Variants in TNR observed in about 807,000 individuals in gnomAD.
The protein encoded by TNR is tenascin-R.
TNR carries 45 observed loss-of-function variants against 150.4 expected under a neutral mutation model. That is an observed-to-expected ratio of 0.30 (90% CI 0.24 to 0.38). TNR has a LOEUF of 0.38. Among genes scored for constraint, TNR ranks in the 10% least tolerant of loss-of-function variants. The probability of loss-of-function intolerance (pLI) is 1.00; values close to 1 mark genes in which losing one functional copy is unlikely to be tolerated. For missense variants in TNR, 1,544 were observed against 1,759.1 expected (o/e 0.88, Z 2.19); for synonymous variants, 687 against 678.4 (o/e 1.01, Z -0.20).
Position 175,412,438 on chromosome 1 carries a change from C to T in TNR, c.-63-5661G>A, listed in dbSNP as rs137917339. On this transcript the variant is annotated intron_variant, in intron 2 of 22. Transcript: ENST00000367674. ...TTGAGAGGAGGCTTGTTTGATGGCT[C>T]TTTATTTAAAAGTCTCCAGCCTCTA... Among the ~76,000 whole-genome samples the T allele has an allele frequency of 1.1e-3, 167 of 152,244 alleles. 2 individuals are homozygous for T. Among genetic ancestry groups the T allele is most frequent in the African/African-American group, 3.8e-3 (156 of 41,558 alleles).
chr1:175,692,107 T>C (rs1268694335), intron 1 of TNR, among the ~76,000 whole-genome samples: 6 of 152,256 alleles, frequency 3.9e-5, no homozygotes, highest in East Asian at 1.9e-4. Context: ...GAAGTAACAA[T>C]GAATGGAGCA....
chr1:175,632,972 C>G (rs181291925), intron 1 of TNR, among the ~76,000 whole-genome samples: 1 of 152,328 alleles, frequency 6.6e-6, no homozygotes, highest in East Asian at 1.9e-4. Context: ...TGGCCATATA[C>G]AGCTCACTGT....
chr1:175,417,530 T>C (rs758113194), intron 2 of TNR, among the ~76,000 whole-genome samples: 3 of 152,206 alleles, frequency 2.0e-5, no homozygotes, highest in Non-Finnish European at 4.4e-5. Context: ...ATTAACGTAT[T>C]AGCAGATGGA....
intron 20 of TNR, among the ~76,000 whole-genome samples, chr1:175,331,046 T>TTTCTTTCTTTCTTTCTTTCTTTCCTTC (rs1649773182): frequency 7.2e-5 from 6 of 82,968 alleles, no homozygotes; most frequent in East Asian, 9.1e-4. Context: ...TCTTTCTTTC[T>TTTCTTTCTTTCTTTCTTTCTTTCCTTC]TTCTTTCTTT....
chr1:175,715,676 C>T (rs1667137970), intron 1 of TNR, among the ~76,000 whole-genome samples: 1 of 152,128 alleles, frequency 6.6e-6, no homozygotes, highest in Non-Finnish European at 1.5e-5. Flanking sequence ...TCATGGGGTC[C>T]CCTTTAAAGA....
intron 1 of TNR, among the ~76,000 whole-genome samples, chr1:175,707,352 G>T (rs182291430): frequency 2.4e-4 from 37 of 152,108 alleles, no homozygotes; most frequent in Admixed American, 1.8e-3. Flanking sequence ...AAATTCTGCT[G>T]CTGGTATTAC....
Position 175,498,842 on chromosome 1 carries a change from C to A in TNR, c.-64+29427G>T, listed in dbSNP as rs180789974. Among the ~76,000 whole-genome samples the A allele has an allele frequency of 1.1e-4, 17 of 152,284 alleles. No individual in the cohort carries two copies. The East Asian group carries it at 3.1e-3, about 28-fold the overall frequency. Reference sequence around the variant, plus strand: ...GTCAATTACCATGCAGCACATATAACCGTTAGTATCATCATCTATTAATAA... The same window carrying A: ...GTCAATTACCATGCAGCACATATAAACGTTAGTATCATCATCTATTAATAA... On this transcript the variant is annotated intron_variant, in intron 2 of 22. Coordinates refer to ENST00000367674, the MANE Select transcript of TNR (RefSeq NM_003285.3).
intron 1 of TNR, among the ~76,000 whole-genome samples, chr1:175,578,545 T>C (rs1662213074): frequency 6.6e-6 from 1 of 151,874 alleles, no homozygotes; most frequent in Non-Finnish European, 1.5e-5. Flanking sequence ...ATTACCTAGA[T>C]CGATGCAGGA....
intron 1 of TNR, among the ~76,000 whole-genome samples, chr1:175,546,819 G>A (rs1044686443): frequency 3.9e-5 from 6 of 152,164 alleles, no homozygotes; most frequent in South Asian, 2.1e-4. Flanking sequence ...GGAAGCAGGT[G>A]AATTTCCCAA....
At chr1:175,725,172 T>C (rs910520193) in intron 1 of TNR, among the ~76,000 whole-genome samples, 3 of 152,180 alleles carry the variant, frequency 2.0e-5, no homozygotes, top group African/African-American at 7.2e-5. Flanking sequence ...CAGGCCCCTT[T>C]CCACCATGTG....
chr1:175,675,279 G>A (rs1423545185), intron 1 of TNR, among the ~76,000 whole-genome samples: 2 of 152,210 alleles, frequency 1.3e-5, no homozygotes, highest in Non-Finnish European at 2.9e-5. Flanking sequence ...TAACGGCTGA[G>A]TATTACAAGC....
At chr1:175,420,569 T>C (rs1654705981) in intron 2 of TNR, among the ~76,000 whole-genome samples, 1 of 152,216 alleles carries the variant, frequency 6.6e-6, no homozygotes, top group African/African-American at 2.4e-5. Context: ...ATTTCAACAT[T>C]TTTTCTCACA....
In TNR at chr1:175,362,808, C is replaced by A; in HGVS notation, c.2709G>T (p.Val903=). The change falls in exon 14 of 23, where the codon GTG becomes GTT. Residue 903 remains valine (V), a splice_region_variant and synonymous_variant. Transcript: ENST00000367674. ...GCACCACTGAGCTGTCTAGTCGTCC[C>A]ACTGGAGAAGAGAAGAATCTACAGT... ...YYRVSYRPTQ[V]GRLDSSVVPN... is the part of the protein sequence containing the mutation. The A allele has an allele frequency of 1.2e-6, 2 of 1,613,998 alleles. No individual in the cohort carries two copies. Among genetic ancestry groups the A allele is most frequent in the Non-Finnish European group, 1.7e-6 (2 of 1,179,914 alleles).
At chr1:175,331,009 C>CTT (rs1209704454) in intron 20 of TNR, among the ~76,000 whole-genome samples, 1 of 48,684 alleles carries the variant, frequency 2.1e-5, no homozygotes, top group South Asian at 8.4e-4. Context: ...TTCTTTCTTT[C>CTT]TTTCTTTCTT....
chr1:175,539,335 A>T (rs1476358140), intron 1 of TNR, among the ~76,000 whole-genome samples: 2 of 152,258 alleles, frequency 1.3e-5, no homozygotes, highest in Non-Finnish European at 2.9e-5. Context: ...ACAGCCCATG[A>T]AGAAGACACA....
chr1:175,467,545 T>C (rs983303563), intron 2 of TNR, among the ~76,000 whole-genome samples: 2 of 151,974 alleles, frequency 1.3e-5, no homozygotes, highest in Non-Finnish European at 2.9e-5. Flanking sequence ...AATGGGGAGA[T>C]GTTTGATGGG....
rs1315190212 is a variant in TNR, at chr1:175,510,100, A to C, written c.-64+18169T>G. Among the ~76,000 whole-genome samples the C allele has an allele frequency of 3.3e-5, 5 of 152,138 alleles. No individual in the cohort carries two copies. The East Asian group carries it at 9.7e-4, about 29-fold the overall frequency. Reference sequence around the variant, plus strand: ...AAAAATTAGCTGTATGTGGTGGTGCATGCCTGTAGTCCCAGGTACTCAGGA... The same window carrying C: ...AAAAATTAGCTGTATGTGGTGGTGCCTGCCTGTAGTCCCAGGTACTCAGGA... On this transcript the variant is annotated intron_variant, in intron 2 of 22. Transcript: ENST00000367674.
chr1:175,392,536 T>C (rs1360818184), intron 6 of TNR, among the ~76,000 whole-genome samples: 2 of 152,222 alleles, frequency 1.3e-5, no homozygotes, highest in Admixed American at 6.5e-5. Flanking sequence ...CTGAAAAACA[T>C]TGGTAGCAAT....
At chr1:175,526,597 A>G (rs1161975402) in intron 2 of TNR, among the ~76,000 whole-genome samples, 1 of 152,208 alleles carries the variant, frequency 6.6e-6, no homozygotes, top group African/African-American at 2.4e-5. Context: ...CAAATATCAC[A>G]TTTATCTCAA....
Sources: allele counts gnomAD v4.1 joint callset (sites outside exome capture counted in the v4.1 genomes callset), GRCh38; gene constraint gnomAD v4.1.1; transcripts MANE v1.5; gene names NCBI Gene and HGNC (gene_info 2026-07-23, HGNC 2026-07-21).